Variants in PPARG observed in about 807,000 individuals in gnomAD.
PPARG encodes the protein peroxisome proliferator activated receptor gamma.
In PPARG, 17 loss-of-function variants were observed where a neutral mutation model predicts 39.2. The ratio of observed to expected loss-of-function variants is 0.43; its 90% CI spans 0.30 to 0.65. The LOEUF (loss-of-function observed/expected upper bound fraction) is 0.65, where lower values mean the gene tolerates loss of function less well. Ranked by LOEUF, PPARG falls within the 30% of genes least tolerant of loss-of-function variation. PPARG has a pLI of 0.13. For missense variants in PPARG, 406 were observed against 585.9 expected (o/e 0.69, Z 3.17); for synonymous variants, 223 against 215.7 (o/e 1.03, Z -0.30).
intron 2 of PPARG, among the ~76,000 whole-genome samples, chr3:12,333,854 G>T (rs2047932368): frequency 6.6e-6 from 1 of 152,122 alleles, no homozygotes; most frequent in Non-Finnish European, 1.5e-5. Flanking sequence ...CTTTCAAAAG[G>T]CCGTACTCTT....
At chr3:12,300,849 C>T (rs575926685) in intron 1 of PPARG, among the ~76,000 whole-genome samples, 1 of 152,280 alleles carries the variant, frequency 6.6e-6, no homozygotes, top group African/African-American at 2.4e-5. Context: ...CTTTACCTTG[C>T]TGTGCACTGT....
intron 7 of PPARG, among the ~76,000 whole-genome samples, chr3:12,429,593 G>A (rs192810487): frequency 1.3e-5 from 2 of 151,720 alleles, no homozygotes; most frequent in African/African-American, 2.4e-5. Flanking sequence ...GGAGGAAGGA[G>A]GAGCTGCAGA....
chr3:12,369,769 T>G (rs935490577), intron 2 of PPARG, among the ~76,000 whole-genome samples: 1 of 152,218 alleles, frequency 6.6e-6, no homozygotes, highest in Admixed American at 6.5e-5. Context: ...GCTTAGCTAT[T>G]TACTTTTCTG....
At chr3:12,413,035 A>T (rs995889873) in intron 6 of PPARG, among the ~76,000 whole-genome samples, 2 of 152,174 alleles carry the variant, frequency 1.3e-5, no homozygotes, top group Non-Finnish European at 2.9e-5. Context: ...TAAGGACTCC[A>T]CTTTGCTTTG....
chr3:12,316,716 G>A (rs903714717), intron 2 of PPARG, among the ~76,000 whole-genome samples: 7 of 151,564 alleles, frequency 4.6e-5, no homozygotes, highest in Non-Finnish European at 7.4e-5. Flanking sequence ...TAATCCTTAG[G>A]AACCTTTTTT....
chr3:12,323,692 C>G (rs1378928010), intron 2 of PPARG, among the ~76,000 whole-genome samples: 1 of 151,740 alleles, frequency 6.6e-6, no homozygotes, highest in Admixed American at 6.6e-5. Flanking sequence ...ATCTGTCTGT[C>G]TAACCCCCAA....
chr3:12,428,011 G>A (rs1312207973), intron 7 of PPARG, among the ~76,000 whole-genome samples: 2 of 152,224 alleles, frequency 1.3e-5, no homozygotes, highest in East Asian at 3.8e-4. Flanking sequence ...CAGGAGAGCA[G>A]CTCCTAGAAT....
At chr3:12,312,966 G>T (rs551808533) in intron 2 of PPARG, among the ~76,000 whole-genome samples, 2 of 152,112 alleles carry the variant, frequency 1.3e-5, no homozygotes, top group African/African-American at 2.4e-5. Context: ...TGACTAGATG[G>T]GGGTAGGATT....
intron 4 of PPARG, among the ~76,000 whole-genome samples, chr3:12,391,343 C>T (rs932317835): frequency 2.2e-4 from 34 of 152,050 alleles, no homozygotes; most frequent in Non-Finnish European, 4.1e-4. Context: ...AAAACTGGAG[C>T]AGAGTAAAGA....
intron 6 of PPARG, 95 bp downstream of exon 6, chr3:12,406,176 C>A: frequency 8.3e-7 from 1 of 1,207,500 alleles, no homozygotes; most frequent in Non-Finnish European, 1.2e-6. Context: ...TACAAATGCA[C>A]ACACAGAATA....
chr3:12,375,086 T>C (rs2049359669), intron 2 of PPARG, among the ~76,000 whole-genome samples: 1 of 152,182 alleles, frequency 6.6e-6, no homozygotes, highest in Non-Finnish European at 1.5e-5. Flanking sequence ...ATGACTTTTG[T>C]AATAAGAAGC....
intron 2 of PPARG, among the ~76,000 whole-genome samples, chr3:12,348,375 G>C (rs1189296570): frequency 6.6e-6 from 1 of 152,136 alleles, no homozygotes; most frequent in East Asian, 1.9e-4. Flanking sequence ...GTAATATTCA[G>C]ATTCTTGTAG....
intron 7 of PPARG, among the ~76,000 whole-genome samples, chr3:12,422,262 T>C (rs1362538861): frequency 6.6e-6 from 1 of 152,248 alleles, no homozygotes; most frequent in Non-Finnish European, 1.5e-5. Flanking sequence ...GGGCACTTTA[T>C]ATACACCCAT....
chr3:12,344,235 G>A (rs1012977260), intron 2 of PPARG, among the ~76,000 whole-genome samples: 1 of 152,086 alleles, frequency 6.6e-6, no homozygotes, highest in East Asian at 1.9e-4. Context: ...GACAGCGTAG[G>A]CACTCAATAA....
chr3:12,406,050 C>T lies in PPARG; in HGVS notation c.698C>T (p.Ala233Val), dbSNP rs763106561. ...SFPLTKAKAR[A>V]ILTGKTTDKS... ...CCGCTGACCAAAGCAAAGGCGAGGGCGATCTTGACAGGAAAGACAACAGAC... is the reference window on the plus strand; with the variant it reads ...CCGCTGACCAAAGCAAAGGCGAGGGTGATCTTGACAGGAAAGACAACAGAC... The change falls in exon 6 of 8, where the codon GCG becomes GTG. Residue 233 changes from alanine to valine, a missense_variant. Physicochemically the swap from Ala to Val is moderately conservative, Grantham distance 64 (BLOSUM62 0). Coordinates refer to ENST00000651735, the MANE Select transcript of PPARG (RefSeq NM_138711.6). 22 of 1,613,944 alleles carry T rather than the reference C, an allele frequency of 1.4e-5. No individual in the cohort carries two copies. Among genetic ancestry groups the T allele is most frequent in the Admixed American group, 6.7e-5 (4 of 59,990 alleles).
intron 6 of PPARG, among the ~76,000 whole-genome samples, chr3:12,408,589 G>A (rs1199213570): frequency 8.1e-6 from 1 of 122,748 alleles, no homozygotes; most frequent in Non-Finnish European, 1.6e-5. Flanking sequence ...TTTTTTTTGA[G>A]GTGGGGTCTT....
intron 7 of PPARG, among the ~76,000 whole-genome samples, chr3:12,421,767 G>A (rs1025883052): frequency 3.3e-5 from 5 of 152,204 alleles, no homozygotes; most frequent in African/African-American, 1.2e-4. Flanking sequence ...CAGATGGCAA[G>A]TCATCCAGCC....
intron 2 of PPARG, among the ~76,000 whole-genome samples, chr3:12,370,184 A>T (rs2049159078): frequency 6.6e-6 from 1 of 151,038 alleles, no homozygotes; most frequent in Non-Finnish European, 1.5e-5. Context: ...TAGGTTGGAA[A>T]TTTTTTTTTC....
intron 2 of PPARG, among the ~76,000 whole-genome samples, chr3:12,379,320 T>C (rs946173411): frequency 1.3e-5 from 2 of 152,218 alleles, no homozygotes; most frequent in Non-Finnish European, 2.9e-5. Flanking sequence ...ACCTTAAGTT[T>C]AAAAATTTTT....
Sources: allele counts gnomAD v4.1 joint callset (sites outside exome capture counted in the v4.1 genomes callset), GRCh38; gene constraint gnomAD v4.1.1; transcripts MANE v1.5; gene names NCBI Gene and HGNC (gene_info 2026-07-23, HGNC 2026-07-21).